The following GRXCR2 variants were observed in gnomAD, a reference collection of about 807,000 sequenced individuals.
GRXCR2 encodes glutaredoxin domain-containing cysteine-rich protein 2.
GRXCR2 carries 23 observed loss-of-function variants against 24.8 expected under a neutral mutation model. The ratio of observed to expected loss-of-function variants is 0.93; its 90% confidence interval spans 0.67 to 1.32. GRXCR2 has a LOEUF of 1.32. Among genes scored for constraint, GRXCR2 ranks in the 40% most tolerant of loss-of-function variants. The pLI is 0.00. For synonymous variants in GRXCR2, 130 were observed against 116.1 expected (o/e 1.12, Z -0.77); for missense variants, 315 against 303.4 (o/e 1.04, Z -0.28).
intron 2 of GRXCR2, among the ~76,000 whole-genome samples, chr5:145,927,903 G>C (rs1209498706): frequency 2.0e-5 from 3 of 152,052 alleles, no homozygotes; most frequent in African/African-American, 7.2e-5. Flanking sequence ...TTGACAAATG[G>C]GATCTAACTA....
intron 2 of GRXCR2, among the ~76,000 whole-genome samples, chr5:145,905,479 T>G (rs1040153914): frequency 5.3e-5 from 8 of 152,218 alleles, no homozygotes; most frequent in African/African-American, 1.9e-4. Context: ...GTACACAATA[T>G]ATTTTAACTG....
chr5:145,860,021 G>A, intron 2 of GRXCR2, 106 bp from the exon 3 acceptor site: 3 of 863,366 alleles, frequency 3.5e-6, no homozygotes, highest in Non-Finnish European at 5.1e-6. Context: ...GCAGAATAGA[G>A]GAAAATGCTT....
intron 2 of GRXCR2, among the ~76,000 whole-genome samples, chr5:145,861,748 A>G (rs1756342530): frequency 6.6e-6 from 1 of 152,306 alleles, no homozygotes; most frequent in East Asian, 1.9e-4. Context: ...GGGACCAACA[A>G]GACAGCAGGA....
chr5:145,905,139 A>G lies in GRXCR2; in HGVS notation c.-70+30562T>C, dbSNP rs376817643. On this transcript the variant is annotated intron_variant, in intron 2 of 3. Transcript: ENST00000639411. Reference sequence around the variant, plus strand: ...TTGACTACCACCAATCAACCAATAAATTACTTTTTGTACTTACACAGTCAC... The same window carrying G: ...TTGACTACCACCAATCAACCAATAAGTTACTTTTTGTACTTACACAGTCAC... Among the ~76,000 whole-genome samples the G allele has an allele frequency of 2.2e-3, 338 of 152,280 alleles. 3 individuals are homozygous for G. Among genetic ancestry groups the G allele is most frequent in the African/African-American group, 7.8e-3 (326 of 41,534 alleles).
At chr5:145,901,982 T>G (rs1234463641) in intron 2 of GRXCR2, among the ~76,000 whole-genome samples, 2 of 152,170 alleles carry the variant, frequency 1.3e-5, no homozygotes, top group African/African-American at 4.8e-5. Flanking sequence ...TTACTCATGG[T>G]ATTCATGGAG....
rs1756295377 is a variant in GRXCR2 at position 145,859,670 on chromosome 5, G to A, written c.*63C>T. 6.7e-7 allele frequency: 1 copy of A among 1,499,718 alleles called. No homozygotes were observed. The highest frequency in any genetic ancestry group is 9.3e-7 in the Non-Finnish European group (1 of 1,079,036). 92.9% of individuals were successfully genotyped at this position (1,499,718 alleles called of 1,614,324 possible). ...GGGAGAGGCAGGAGGAGGAGAAGGG[G>A]GCGGTTTATTAGAAATAACTTTAGG... On this transcript the variant is annotated 3_prime_UTR_variant, in exon 3 of 3. Transcript: ENST00000377976.
chr5:145,883,107 C>T lies in GRXCR2; in HGVS notation c.-69-16379G>A, dbSNP rs375163888. Among the ~76,000 whole-genome samples the T allele has an allele frequency of 6.4e-4, 97 of 151,712 alleles. 2 individuals are homozygous for T. In the South Asian group the frequency reaches 0.019, roughly 30 times the overall value. On this transcript the variant is annotated intron_variant, in intron 2 of 3. Transcript: ENST00000639411. ...TAATGGGTGCAGCAAACCAACATGG[C>T]ACATGTATACATATGTATCAAACCT...
upstream of GRXCR2, among the ~76,000 whole-genome samples, chr5:145,876,391 C>T (rs1353081451): frequency 6.6e-6 from 1 of 151,142 alleles, no homozygotes; most frequent in Non-Finnish European, 1.5e-5. Flanking sequence ...ATCCTCCCTC[C>T]TCAGCCTCCT....
At chr5:145,874,080 T>C (rs1009985958), upstream of GRXCR2, among the ~76,000 whole-genome samples, 2 of 152,180 alleles carry the variant, frequency 1.3e-5, no homozygotes, top group African/African-American at 4.8e-5. Flanking sequence ...TGTGAGGAGC[T>C]GAAAGTGGAG....
At chr5:145,916,763 C>A (rs1012656875) in intron 2 of GRXCR2, among the ~76,000 whole-genome samples, 1 of 152,112 alleles carries the variant, frequency 6.6e-6, no homozygotes, top group African/African-American at 2.4e-5. Context: ...ACCCTCAAAA[C>A]CTTAGTCTCT....
At position 145,859,802 on chromosome 5, in the gene GRXCR2, G is replaced by A; in HGVS notation, c.678C>T (p.Ser226=). ...FSMLANRFKE[S]YRALRCPACN... ...AGGCAGGGCACCTCAGGGCCCGATAGGACTCCTTAAATCTGTTGGCCAGCA... is the reference window on the plus strand; with the variant it reads ...AGGCAGGGCACCTCAGGGCCCGATAAGACTCCTTAAATCTGTTGGCCAGCA... The change falls in exon 3 of 3, where the codon TCC becomes TCT. Residue 226 remains serine, a synonymous_variant. Transcript: ENST00000377976. The A allele has an allele frequency of 6.2e-7, 1 of 1,614,190 alleles. No individual in the cohort carries two copies. Among genetic ancestry groups the A allele is most frequent in the Non-Finnish European group, 8.5e-7 (1 of 1,180,014 alleles).
intron 2 of GRXCR2, among the ~76,000 whole-genome samples, chr5:145,907,188 T>C (rs756880057): frequency 2.0e-5 from 3 of 151,970 alleles, no homozygotes; most frequent in Non-Finnish European, 1.5e-5. Flanking sequence ...ACAGAAGCTA[T>C]TGGGGAGTTT....
intron 2 of GRXCR2, among the ~76,000 whole-genome samples, chr5:145,883,974 G>A (rs1428208008): frequency 6.6e-6 from 1 of 152,208 alleles, no homozygotes; most frequent in African/African-American, 2.4e-5. Flanking sequence ...ATTTAAGCAA[G>A]TGATTAAACT....
chr5:145,892,058 C>T (rs1004859035), intron 2 of GRXCR2, among the ~76,000 whole-genome samples: 15 of 152,176 alleles, frequency 9.9e-5, no homozygotes, highest in Non-Finnish European at 1.6e-4. Flanking sequence ...TCCAACAGAC[C>T]TGCAGCTGAG....
At chr5:145,888,071 G>A (rs1402689613) in intron 2 of GRXCR2, among the ~76,000 whole-genome samples, 1 of 152,154 alleles carries the variant, frequency 6.6e-6, no homozygotes, top group African/African-American at 2.4e-5. Flanking sequence ...TAGTGCAGAG[G>A]GTTAGGAAGT....
At chr5:145,875,887 G>A (rs1756605043), upstream of GRXCR2, among the ~76,000 whole-genome samples, 1 of 152,004 alleles carries the variant, frequency 6.6e-6, no homozygotes, top group African/African-American at 2.4e-5. Context: ...TATCAAGCTG[G>A]GCATGGTGGC....
At chr5:145,924,399 A>G (rs1324565297) in intron 2 of GRXCR2, among the ~76,000 whole-genome samples, 1 of 152,216 alleles carries the variant, frequency 6.6e-6, no homozygotes, top group African/African-American at 2.4e-5. Flanking sequence ...TCACTATTTT[A>G]TCTCAATAAT....
chr5:145,925,548 G>T (rs1757381309), intron 2 of GRXCR2, among the ~76,000 whole-genome samples: 1 of 152,112 alleles, frequency 6.6e-6, no homozygotes, highest in Non-Finnish European at 1.5e-5. Flanking sequence ...CCCTAGGAAT[G>T]CAATAAGAAT....
At position 145,859,578 on chromosome 5, in the gene GRXCR2, A is replaced by C. The variant is rs1756293957; in HGVS notation, c.*155T>G. 1 of 654,708 alleles carries C rather than the reference A, an allele frequency of 1.5e-6. No individual in the cohort carries two copies. Among genetic ancestry groups the C allele is most frequent in the Non-Finnish European group, 2.7e-6 (1 of 367,016 alleles). 40.6% of individuals were successfully genotyped at this position (654,708 alleles called of 1,614,324 possible). ...ACAGAGAGATGTTACCGGCCTCACA[A>C]AATGTCATCAGATAATTGAGTTTTG... On this transcript the variant is annotated 3_prime_UTR_variant, in exon 3 of 3. Transcript: ENST00000377976.
Sources: allele counts gnomAD v4.1 joint callset (sites outside exome capture counted in the v4.1 genomes callset), GRCh38; gene constraint gnomAD v4.1.1; transcripts MANE v1.5; gene names NCBI Gene and HGNC (gene_info 2026-07-23, HGNC 2026-07-21).